PTDSS1: variants seen among roughly 807,000 people sequenced by gnomAD.
PTDSS1 encodes phosphatidylserine synthase 1.
In PTDSS1, 45 loss-of-function variants were observed where a neutral mutation model predicts 70.5. The observed-to-expected ratio is 0.64, with a 90% confidence interval of 0.50 to 0.82. The LOEUF is 0.82. Ranked by LOEUF, PTDSS1 falls within the 40% of genes least tolerant of loss-of-function variation. The pLI is 0.00. For missense variants in PTDSS1, 417 were observed against 586.1 expected (o/e 0.71, Z 2.98); for synonymous variants, 188 against 203.8 (o/e 0.92, Z 0.66).
chr8:96,281,283 C>G (rs1303634161), intron 2 of PTDSS1, among the ~76,000 whole-genome samples: 1 of 152,094 alleles, frequency 6.6e-6, no homozygotes, highest in Non-Finnish European at 1.5e-5. Flanking sequence ...TTTAAAATAC[C>G]ACTTTAAAAA....
At chr8:96,306,944 G>A (rs1223367187) in intron 8 of PTDSS1, among the ~76,000 whole-genome samples, 1 of 152,150 alleles carries the variant, frequency 6.6e-6, no homozygotes, top group African/African-American at 2.4e-5. Context: ...AGTCATAAAT[G>A]ACATTATTTT....
At chr8:96,266,500 G>T (rs1810489532) in intron 1 of PTDSS1, among the ~76,000 whole-genome samples, 1 of 152,146 alleles carries the variant, frequency 6.6e-6, no homozygotes, top group Non-Finnish European at 1.5e-5. Flanking sequence ...ATTGCTTATG[G>T]ATACTTGCTA....
At chr8:96,332,518 G>A (rs993507763) in intron 12 of PTDSS1, among the ~76,000 whole-genome samples, 5 of 152,164 alleles carry the variant, frequency 3.3e-5, no homozygotes, top group African/African-American at 7.2e-5. Flanking sequence ...CCTGAACCAC[G>A]GAATTGATCA....
At chr8:96,327,557 AG>A (rs1453766384) in intron 10 of PTDSS1, among the ~76,000 whole-genome samples, 1 of 152,192 alleles carries the variant, frequency 6.6e-6, no homozygotes, top group Non-Finnish European at 1.5e-5. Flanking sequence ...GAGAGCTTCA[AG>A]TTACACCATG....
At chr8:96,264,811 T>C (rs1012549943) in intron 1 of PTDSS1, among the ~76,000 whole-genome samples, 56 of 152,332 alleles carry the variant, frequency 3.7e-4, no homozygotes, top group Non-Finnish European at 2.6e-4. Context: ...TTTTAACAGC[T>C]TGTCCAAAAT....
rs74481645 is a variant in PTDSS1, at chr8:96,308,037, G to A, written c.1007+1481G>A. Among the ~76,000 whole-genome samples the A allele has an allele frequency of 8.7e-4, 133 of 152,220 alleles. 1 individual carries two copies. In the East Asian group the frequency reaches 0.012, roughly 14 times the overall value. The stretch of plus-strand genomic sequence containing the variant: ...AAGGAGTTTCTTTGACAAGTTACTC[G>A]GAAAGATGGATGTGCTGCTAATGGA... On this transcript the variant is annotated intron_variant, in intron 8 of 12. Transcript: ENST00000517309.
chr8:96,292,591 A>G (rs748998960), intron 4 of PTDSS1, among the ~76,000 whole-genome samples: 1 of 152,194 alleles, frequency 6.6e-6, no homozygotes, highest in Non-Finnish European at 1.5e-5. Flanking sequence ...TTCTAAGTGT[A>G]TGAAAAGGCC....
chr8:96,314,715 G>A (rs1811260608), intron 9 of PTDSS1, among the ~76,000 whole-genome samples: 1 of 152,168 alleles, frequency 6.6e-6, no homozygotes, highest in Non-Finnish European at 1.5e-5. Context: ...TCCTGCCTCA[G>A]CGTCCTGAGT....
chr8:96,334,744 C>T lies in PTDSS1; in HGVS notation c.*1178C>T, dbSNP rs982949147. 3.9e-5 allele frequency: 6 copies of T among 152,148 alleles called. No individual in the cohort carries two copies. Among genetic ancestry groups the T allele is most frequent in the Non-Finnish European group, 7.4e-5 (5 of 68,026 alleles). 9.4% of individuals were successfully genotyped at this position (152,148 alleles called of 1,614,324 possible). ...CTACTTCTTAGACTACCCAAGTGAC[C>T]AACAGGAATGAACAACATAGTCATT... On this transcript the variant is annotated 3_prime_UTR_variant, in exon 13 of 13. Coordinates refer to ENST00000517309, the MANE Select transcript of PTDSS1 (RefSeq NM_014754.3).
rs1811589282 is a variant in PTDSS1 at position 96,336,019 on chromosome 8, T to TC, written c.*2453_*2454insC. ...AGCATTGCATTGAGTGTTAGGTTCT[T>TC]TTCCCTTTTTTTCATTCTTGGTCTT... On this transcript the variant is annotated 3_prime_UTR_variant, in exon 13 of 13. Transcript: ENST00000517309. The TC allele has an allele frequency of 3.4e-4, 52 of 152,272 alleles. No homozygotes were observed. The highest frequency in any genetic ancestry group is 1.1e-3 in the African/African-American group (45 of 41,502). The allele number at this position is 152,272 out of a possible 1,614,324, so 9.4% of individuals were successfully genotyped here. A position where few individuals can be genotyped will look rare whatever the true frequency, so the allele number is the denominator to read the frequency against.
intron 11 of PTDSS1, 108 bp from the exon 12 acceptor site, chr8:96,330,918 T>C: frequency 1.1e-6 from 1 of 897,652 alleles, no homozygotes; most frequent in South Asian, 1.5e-5. Flanking sequence ...TTGCCAGTGA[T>C]GATCCCAGCC....
intron 1 of PTDSS1, among the ~76,000 whole-genome samples, chr8:96,263,430 G>A (rs938477219): frequency 1.3e-5 from 2 of 152,210 alleles, no homozygotes; most frequent in African/African-American, 2.4e-5. Context: ...AAAACTGGCT[G>A]TGTGTCCTTA....
At chr8:96,306,597 C>T (rs962970246) in intron 8 of PTDSS1, 41 bp downstream of exon 8, 3 of 1,467,878 alleles carry the variant, frequency 2.0e-6, no homozygotes, top group Non-Finnish European at 2.9e-6. Flanking sequence ...AGAACATTAA[C>T]TTGCTTTAGA....
At chr8:96,302,259 C>T (rs995981898) in intron 6 of PTDSS1, among the ~76,000 whole-genome samples, 16 of 151,752 alleles carry the variant, frequency 1.1e-4, no homozygotes, top group African/African-American at 3.6e-4. Flanking sequence ...CTCGAACTCC[C>T]AACCTCAGGT....
rs1810672331 is a variant in PTDSS1 at position 96,277,928 on chromosome 8, A to G, written c.271+4538A>G. Among the ~76,000 whole-genome samples the G allele has an allele frequency of 2.6e-5, 4 of 152,348 alleles. No homozygotes were observed. In the Middle Eastern group the frequency reaches 0.01, roughly 389 times the overall value. ...GGCTTAAACACTAAGGAAATTCGTT[A>G]TTTTCTTACGTAACAAGACGTTCTG... On this transcript the variant is annotated intron_variant, in intron 2 of 12. Transcript: ENST00000517309.
At chr8:96,304,262 GT>G (rs1443327804) in intron 7 of PTDSS1, 81 bp downstream of exon 7, 3 of 1,442,170 alleles carry the variant, frequency 2.1e-6, no homozygotes, top group Non-Finnish European at 1.9e-6. Context: ...GTTAACATTA[GT>G]TTACATTGCT....
chr8:96,324,585 C>T (rs146715788), intron 10 of PTDSS1, among the ~76,000 whole-genome samples: 1 of 152,284 alleles, frequency 6.6e-6, no homozygotes, highest in Non-Finnish European at 1.5e-5. Context: ...GAAACAAGTG[C>T]ACCAGACAGA....
chr8:96,322,032 G>T (rs1811379029), intron 10 of PTDSS1, among the ~76,000 whole-genome samples: 1 of 152,086 alleles, frequency 6.6e-6, no homozygotes, highest in South Asian at 2.1e-4. Flanking sequence ...ACTGCAGGGG[G>T]CAGAGGTGGG....
chr8:96,271,195 G>A (rs1254439554), intron 1 of PTDSS1, among the ~76,000 whole-genome samples: 1 of 151,950 alleles, frequency 6.6e-6, no homozygotes, highest in Non-Finnish European at 1.5e-5. Flanking sequence ...CATTTTTTTG[G>A]GTGGATTTCC....
Sources: allele counts gnomAD v4.1 joint callset (sites outside exome capture counted in the v4.1 genomes callset), GRCh38; gene constraint gnomAD v4.1.1; transcripts MANE v1.5; gene names NCBI Gene and HGNC (gene_info 2026-07-23, HGNC 2026-07-21).